TXNRD1: variants seen among roughly 807,000 people sequenced by gnomAD.
TXNRD1 encodes the protein thioredoxin reductase 1.
In TXNRD1, 57 loss-of-function variants were observed where a neutral mutation model predicts 80.3. The ratio of observed to expected loss-of-function variants is 0.71; its 90% CI spans 0.57 to 0.89. The LOEUF (loss-of-function observed/expected upper bound fraction) is 0.89, where lower values mean the gene tolerates loss of function less well. TXNRD1 is among the 40% of genes least tolerant of loss of function. The pLI is 0.00. For missense variants in TXNRD1, 730 were observed against 803.0 expected, an observed-to-expected ratio of 0.91 and a Z score of 1.10; for synonymous variants, 291 against 285.2, an observed-to-expected ratio of 1.02 and a Z score of -0.20.
rs554205665 is a variant in TXNRD1 at position 104,302,134 on chromosome 12, T to C, written c.415-9156T>C. Among the ~76,000 whole-genome samples the C allele has an allele frequency of 2.6e-5, 4 of 152,358 alleles. No homozygotes were observed. In the East Asian group the frequency reaches 7.7e-4, roughly 29 times the overall value. ...CATATATATGTACAACTAACCGTAA[T>C]GCATGGTGTTTTGAAAAATGCACGT... On this transcript the variant is annotated intron_variant, in intron 4 of 16. Transcript: ENST00000525566.
At chr12:104,251,411 T>C in intron 1 of TXNRD1, 116 bp from the exon 2 acceptor site, 1 of 1,042,230 alleles carries the variant, frequency 9.6e-7, no homozygotes, top group South Asian at 1.4e-5. Flanking sequence ...CTCAGATTCC[T>C]TATTTTGGCC....
intron 4 of TXNRD1, 71 bp from the exon 5 acceptor site, chr12:104,311,219 T>A: frequency 6.8e-7 from 1 of 1,471,906 alleles, no homozygotes; most frequent in South Asian, 1.3e-5. Flanking sequence ...AAGAAAAGAT[T>A]TTCTTACAAA....
At position 104,245,836 on chromosome 12, in the gene TXNRD1, G is replaced by A. The variant is rs1304865740; in HGVS notation, c.92-5691G>A. Among the ~76,000 whole-genome samples, 19 of 152,080 alleles carry A rather than the reference G, an allele frequency of 1.2e-4. 1 individual carries two copies. The highest frequency in any genetic ancestry group is 3.9e-4 in the East Asian group (2 of 5,160). The stretch of plus-strand genomic sequence containing the variant: ...AAGAAATGACATTTCGGGGCCGGGC[G>A]CGGTGGCTCACGCCTGTAATCCCAG... On this transcript the variant is annotated intron_variant, in intron 1 of 16. Transcript: ENST00000525566.
intron 13 of TXNRD1, among the ~76,000 whole-genome samples, chr12:104,329,843 CT>C (rs763529356): frequency 1.3e-5 from 2 of 152,190 alleles, no homozygotes; most frequent in Non-Finnish European, 2.9e-5. Context: ...AGACCCTGGG[CT>C]CTGTTTGAGC....
At chr12:104,261,441 G>A (rs1280344564) in intron 3 of TXNRD1, among the ~76,000 whole-genome samples, 2 of 152,162 alleles carry the variant, frequency 1.3e-5, no homozygotes, top group African/African-American at 4.8e-5. Context: ...GGGATTACAG[G>A]CGTGAGCCAC....
intron 1 of TXNRD1, among the ~76,000 whole-genome samples, chr12:104,248,411 A>G (rs1265148536): frequency 2.6e-5 from 4 of 152,098 alleles, no homozygotes; most frequent in African/African-American, 7.2e-5. Context: ...CAACCTCCCA[A>G]GTAGCTGGGA....
intron 4 of TXNRD1, chr12:104,304,652 G>A (rs773242712): frequency 3.1e-6 from 5 of 1,613,802 alleles, no homozygotes; most frequent in African/African-American, 2.7e-5. Flanking sequence ...TGATACTCCT[G>A]TGTCCTATTT....
At chr12:104,307,664 A>C (rs933389924) in intron 4 of TXNRD1, among the ~76,000 whole-genome samples, 5 of 152,246 alleles carry the variant, frequency 3.3e-5, no homozygotes, top group African/African-American at 9.6e-5. Context: ...CAAATCTGGC[A>C]AAGGATAGAA....
At chr12:104,249,766 T>C (rs4964727) in intron 1 of TXNRD1, among the ~76,000 whole-genome samples, 140,436 of 151,328 alleles carry the variant, frequency 0.93, 65,308 homozygotes, top group East Asian at 1. Flanking sequence ...AAACCCCGTC[T>C]CTACTAAAAA....
chr12:104,332,075 A>T (rs960950823), intron 14 of TXNRD1, among the ~76,000 whole-genome samples: 1 of 152,084 alleles, frequency 6.6e-6, no homozygotes, highest in Non-Finnish European at 1.5e-5. Flanking sequence ...CTCTGGGTTA[A>T]TTATAGGAAA....
chr12:104,304,201 C>G (rs959054593), intron 4 of TXNRD1: 1 of 1,613,950 alleles, frequency 6.2e-7, no homozygotes, highest in Non-Finnish European at 8.5e-7. Context: ...CAGCCCTCGA[C>G]GCCCGGTTTC....
At chr12:104,314,987 C>T (rs1017611899) in intron 6 of TXNRD1, among the ~76,000 whole-genome samples, 1 of 152,152 alleles carries the variant, frequency 6.6e-6, no homozygotes, top group Non-Finnish European at 1.5e-5. Flanking sequence ...AAATGATCCA[C>T]CCGCCTCGGC....
chr12:104,253,467 C>G (rs1337675115), intron 2 of TXNRD1, among the ~76,000 whole-genome samples: 1 of 152,040 alleles, frequency 6.6e-6, no homozygotes, highest in African/African-American at 2.4e-5. Context: ...CTCAGATAAC[C>G]CATGCTAAAT....
chr12:104,347,475 A>G (rs1241672931), intron 16 of TXNRD1, among the ~76,000 whole-genome samples: 2 of 152,236 alleles, frequency 1.3e-5, no homozygotes, highest in Non-Finnish European at 2.9e-5. Flanking sequence ...TTGCAAGGAT[A>G]TGAAACAAGG....
intron 3 of TXNRD1, among the ~76,000 whole-genome samples, chr12:104,285,842 T>C (rs555271548): frequency 2.4e-4 from 36 of 152,314 alleles, no homozygotes; most frequent in African/African-American, 8.4e-4. Context: ...AATCACATTG[T>C]TTCCTCAACA....
At chr12:104,273,319 C>T (rs1048486687) in intron 3 of TXNRD1, among the ~76,000 whole-genome samples, 1 of 152,120 alleles carries the variant, frequency 6.6e-6, no homozygotes, top group Non-Finnish European at 1.5e-5. Context: ...TCGGGCAGGG[C>T]GGGGTGGCTC....
At chr12:104,271,201 T>TG (rs1335847519) in intron 3 of TXNRD1, among the ~76,000 whole-genome samples, 1 of 139,100 alleles carries the variant, frequency 7.2e-6, no homozygotes, top group African/African-American at 2.7e-5. Context: ...TTTTTTTTTT[T>TG]GTGAGACGGA....
chr12:104,308,291 C>T (rs181064721), intron 4 of TXNRD1, among the ~76,000 whole-genome samples: 59 of 152,206 alleles, frequency 3.9e-4, no homozygotes, highest in Non-Finnish European at 7.5e-4. Context: ...CACCACGCCT[C>T]GCTGCCCTTT....
intron 6 of TXNRD1, among the ~76,000 whole-genome samples, chr12:104,314,278 AG>A (rs1343450219): frequency 3.3e-5 from 5 of 152,244 alleles, no homozygotes; most frequent in Non-Finnish European, 7.3e-5. Flanking sequence ...ACTCTAAGGC[AG>A]GGGAGCCATG....
Sources: gnomAD v4.1 joint callset for allele counts (sites outside exome capture counted in the v4.1 genomes callset) on GRCh38, gnomAD v4.1.1 for gene constraint, MANE v1.5 for transcripts, NCBI Gene and HGNC (gene_info 2026-07-23, HGNC 2026-07-21) for gene names.